The following ARHGAP15 variants were observed in gnomAD, a reference collection of about 807,000 sequenced individuals.
The protein encoded by ARHGAP15 is Rho GTPase activating protein 15.
A neutral mutation model predicts 63.7 loss-of-function variants in ARHGAP15; 51 were observed. That is an observed-to-expected ratio of 0.80 (90% confidence interval 0.64 to 1.01). The LOEUF (loss-of-function observed/expected upper bound fraction) is 1.01, where lower values mean the gene tolerates loss of function less well. Among genes scored for constraint, ARHGAP15 ranks in the 50% least tolerant of loss-of-function variants. ARHGAP15 has a pLI of 0.00. For synonymous variants in ARHGAP15, 191 were observed against 193.8 expected (o/e 0.99, Z 0.12); for missense variants, 560 against 564.6 (o/e 0.99, Z 0.08).
At chr2:143,330,094 C>CAAAAAAAAAAAAAAAAAAAAAA (rs1303438123) in intron 6 of ARHGAP15, among the ~76,000 whole-genome samples, 4 of 1,680 alleles carry the variant, frequency 2.4e-3, no homozygotes, top group African/African-American at 3.3e-3. Flanking sequence ...GGCTCTGTCT[C>CAAAAAAAAAAAAAAAAAAAAAA]AAAAAAAAAA....
intron 6 of ARHGAP15, among the ~76,000 whole-genome samples, chr2:143,366,713 A>G (rs1686308213): frequency 6.6e-6 from 1 of 152,104 alleles, no homozygotes; most frequent in Non-Finnish European, 1.5e-5. Flanking sequence ...ATTCAAGTAA[A>G]CTTAGAAGCA....
intron 6 of ARHGAP15, among the ~76,000 whole-genome samples, chr2:143,408,327 A>AT (rs887770368): frequency 2.0e-5 from 3 of 149,620 alleles, no homozygotes; most frequent in East Asian, 1.9e-4. Context: ...TTTTTATATA[A>AT]TTTTTTTATA....
chr2:143,732,715 TAA>T (rs543230453), intron 13 of ARHGAP15, among the ~76,000 whole-genome samples: 4 of 146,386 alleles, frequency 2.7e-5, no homozygotes, highest in African/African-American at 1.0e-4. Flanking sequence ...TTCATAGAAT[TAA>T]AAAAAAAAAC....
chr2:143,227,711 T>G (rs116696074), intron 4 of ARHGAP15, among the ~76,000 whole-genome samples: 1 of 152,136 alleles, frequency 6.6e-6, no homozygotes, highest in Non-Finnish European at 1.5e-5. Flanking sequence ...TATTCCATTA[T>G]ATGGACCTAT....
At chr2:143,253,401 T>C (rs1465904975) in intron 6 of ARHGAP15, among the ~76,000 whole-genome samples, 1 of 151,878 alleles carries the variant, frequency 6.6e-6, no homozygotes, top group African/African-American at 2.4e-5. Context: ...TATATGCTGT[T>C]TGGATGTTTG....
chr2:143,713,744 T>A (rs1187656045), intron 13 of ARHGAP15, among the ~76,000 whole-genome samples: 2 of 152,140 alleles, frequency 1.3e-5, no homozygotes, highest in Non-Finnish European at 2.9e-5. Context: ...CCCATGCAAG[T>A]CCAAAATCCA....
intron 12 of ARHGAP15, among the ~76,000 whole-genome samples, chr2:143,631,935 G>A (rs992322936): frequency 6.6e-6 from 1 of 151,988 alleles, no homozygotes; most frequent in Non-Finnish European, 1.5e-5. Flanking sequence ...CTTAGGCATT[G>A]CAGTTATTAT....
At position 143,216,423 on chromosome 2, in the gene ARHGAP15, G is replaced by A. The variant is rs201268929; in HGVS notation, c.274G>A (p.Ala92Thr). The A allele has an allele frequency of 6.2e-7, 1 of 1,609,972 alleles. No individual in the cohort carries two copies. Among genetic ancestry groups the A allele is most frequent in the Non-Finnish European group, 8.5e-7 (1 of 1,178,166 alleles). Residue 92 changes from alanine to threonine, a missense_variant, in exon 4 of 14, where the codon GCA becomes ACA. Physicochemically the swap from Ala to Thr is moderately conservative, Grantham distance 58. Transcript: ENST00000295095. The stretch of plus-strand genomic sequence containing the variant: ...AGGTTATCTGCAAAAAGCTAAAATT[G>A]CAGATGGAGGAAAGAAACTAAGGTA... ...KEGYLQKAKI[A>T]DGGKKLRKNW...
chr2:143,497,851 T>TC (rs34101615), intron 9 of ARHGAP15, among the ~76,000 whole-genome samples: 10,711 of 152,198 alleles, frequency 0.07, 570 homozygotes, highest in East Asian at 0.22. Context: ...GAGGTCTCAC[T>TC]CCTTCCTCAC....
chr2:143,421,418 G>A (rs921982377), intron 6 of ARHGAP15, among the ~76,000 whole-genome samples: 15 of 151,944 alleles, frequency 9.9e-5, no homozygotes, highest in African/African-American at 2.7e-4. Flanking sequence ...AGGGTGCAGG[G>A]TGGGAAGAGA....
intron 13 of ARHGAP15, among the ~76,000 whole-genome samples, chr2:143,713,583 T>G (rs1481816869): frequency 6.6e-6 from 1 of 152,062 alleles, no homozygotes; most frequent in East Asian, 1.9e-4. Context: ...GTCCAAATTC[T>G]CATCTGAGAC....
intron 8 of ARHGAP15, among the ~76,000 whole-genome samples, chr2:143,444,030 G>A (rs1011084789): frequency 1.3e-5 from 2 of 152,116 alleles, no homozygotes; most frequent in African/African-American, 2.4e-5. Context: ...GATGTCCATT[G>A]TCGTGTATCT....
intron 13 of ARHGAP15, among the ~76,000 whole-genome samples, chr2:143,766,337 C>T (rs1686946250): frequency 1.3e-5 from 2 of 152,168 alleles, no homozygotes; most frequent in South Asian, 4.1e-4. Context: ...TCCAGAGTCT[C>T]CAAGCTGTCT....
intron 8 of ARHGAP15, among the ~76,000 whole-genome samples, chr2:143,468,818 G>T (rs895185605): frequency 6.6e-6 from 1 of 152,094 alleles, no homozygotes; most frequent in African/African-American, 2.4e-5. Flanking sequence ...GTACAGTCAA[G>T]TCAGCTAAAT....
rs1290169735 is a variant in ARHGAP15 at position 143,469,535 on chromosome 2, G to A, written c.704-17838G>A. Among the ~76,000 whole-genome samples, 6 of 152,150 alleles carry A rather than the reference G, an allele frequency of 3.9e-5. No homozygotes were observed. In the South Asian group the frequency reaches 6.2e-4, roughly 16 times the overall value. On this transcript the variant is annotated intron_variant, in intron 8 of 13. Transcript: ENST00000295095. ...GCCAGTTCTTTGTATTGACACATAC[G>A]CAAGTTCGGACATGACACCCAGAGG...
intron 6 of ARHGAP15, among the ~76,000 whole-genome samples, chr2:143,415,607 A>C (rs1230399137): frequency 1.3e-5 from 2 of 152,240 alleles, no homozygotes; most frequent in Non-Finnish European, 2.9e-5. Flanking sequence ...TAAAAAGATT[A>C]ATCATGTTCC....
At chr2:143,257,472 A>G (rs1680484975) in intron 6 of ARHGAP15, among the ~76,000 whole-genome samples, 1 of 152,116 alleles carries the variant, frequency 6.6e-6, no homozygotes, top group Non-Finnish European at 1.5e-5. Context: ...CTCACTTCAC[A>G]TTGCCTTCTG....
chr2:143,622,883 C>A (rs1698694353), intron 11 of ARHGAP15, among the ~76,000 whole-genome samples: 1 of 151,594 alleles, frequency 6.6e-6, no homozygotes, highest in Admixed American at 6.6e-5. Flanking sequence ...GCAGAGAATC[C>A]CTACAGTGAC....
At chr2:143,341,232 T>G (rs769195350) in intron 6 of ARHGAP15, among the ~76,000 whole-genome samples, 10 of 152,078 alleles carry the variant, frequency 6.6e-5, no homozygotes, top group Non-Finnish European at 1.3e-4. Context: ...CCCTTTTTCT[T>G]TCGTATTCAT....
Sources: gnomAD v4.1 joint callset for allele counts (sites outside exome capture counted in the v4.1 genomes callset) on GRCh38, gnomAD v4.1.1 for gene constraint, MANE v1.5 for transcripts, NCBI Gene and HGNC (gene_info 2026-07-23, HGNC 2026-07-21) for gene names.